SGK1: variants seen among roughly 807,000 people sequenced by gnomAD.
SGK1 encodes serum/glucocorticoid regulated kinase 1.
Under a neutral mutation model 64.2 loss-of-function variants are expected in SGK1, and 26 were observed. That is an observed-to-expected ratio of 0.40 (90% CI 0.30 to 0.56). The LOEUF (loss-of-function observed/expected upper bound fraction) is 0.56. SGK1 is among the 20% of genes least tolerant of loss of function. The pLI is 0.38. For synonymous variants in SGK1, 265 were observed against 239.7 expected (o/e 1.11, Z -0.98); for missense variants, 519 against 645.6 (o/e 0.80, Z 2.12).
intron 2 of SGK1, among the ~76,000 whole-genome samples, chr6:134,224,107 C>T (rs1170988764): frequency 6.6e-6 from 1 of 152,076 alleles, no homozygotes; most frequent in Non-Finnish European, 1.5e-5. Context: ...AAAAACAATA[C>T]CTGACAAATA....
intron 3 of SGK1, chr6:134,175,038 G>C (rs1175195427): frequency 5.4e-6 from 4 of 739,828 alleles, no homozygotes; most frequent in Non-Finnish European, 7.8e-6. Context: ...CATTGAGAGG[G>C]CGAGCCCCGG....
intron 3 of SGK1, among the ~76,000 whole-genome samples, chr6:134,181,583 G>T (rs1775332122): frequency 6.6e-6 from 1 of 151,902 alleles, no homozygotes; most frequent in Admixed American, 6.6e-5. Context: ...GACCTCAAGT[G>T]ATCCACCTGC....
intron 2 of SGK1, among the ~76,000 whole-genome samples, chr6:134,214,110 G>A (rs1304832042): frequency 5.3e-5 from 8 of 149,878 alleles, no homozygotes; most frequent in South Asian, 2.1e-4. Context: ...TTGTAGAGAC[G>A]GGGTCTCACT....
At chr6:134,205,045 G>C (rs1366976682) in intron 3 of SGK1, among the ~76,000 whole-genome samples, 2 of 151,130 alleles carry the variant, frequency 1.3e-5, no homozygotes, top group Non-Finnish European at 2.9e-5. Flanking sequence ...AGAAAGTAAA[G>C]GAATAAAGAA....
At chr6:134,174,850 G>C (rs1053439133) in intron 3 of SGK1, 1 of 1,612,846 alleles carries the variant, frequency 6.2e-7, no homozygotes, top group Admixed American at 1.7e-5. Flanking sequence ...CTCAAAGACC[G>C]GCTCGGCGTA....
intron 2 of SGK1, among the ~76,000 whole-genome samples, chr6:134,234,098 T>TA (rs1776328880): frequency 6.6e-6 from 1 of 152,208 alleles, no homozygotes; most frequent in South Asian, 2.1e-4. Context: ...TAGAACATTT[T>TA]AAAAAACCAA....
intron 2 of SGK1, among the ~76,000 whole-genome samples, chr6:134,255,651 G>A (rs1188877701): frequency 2.8e-5 from 4 of 143,358 alleles, no homozygotes; most frequent in Non-Finnish European, 6.0e-5. Flanking sequence ...GCATGATCCT[G>A]GGTCACTACA....
At chr6:134,194,520 C>CA (rs779306925) in intron 3 of SGK1, among the ~76,000 whole-genome samples, 1 of 138,686 alleles carries the variant, frequency 7.2e-6, no homozygotes, top group Non-Finnish European at 1.6e-5. Flanking sequence ...AAAAGTTTTT[C>CA]TTTTTTTTTT....
At chr6:134,244,574 C>T (rs1776495534) in intron 2 of SGK1, among the ~76,000 whole-genome samples, 1 of 152,102 alleles carries the variant, frequency 6.6e-6, no homozygotes, top group Non-Finnish European at 1.5e-5. Context: ...AGAGAGTTCC[C>T]CGACCCCCTT....
At chr6:134,298,840 G>A (rs574064157) in intron 1 of SGK1, 50 of 242,798 alleles carry the variant, frequency 2.1e-4, no homozygotes, top group Admixed American at 4.5e-4. Context: ...TCTCTCCGTC[G>A]CCCAGGCTGG....
intron 1 of SGK1, among the ~76,000 whole-genome samples, chr6:134,292,028 A>C (rs1488630468): frequency 6.6e-6 from 1 of 150,584 alleles, no homozygotes; most frequent in African/African-American, 2.4e-5. Context: ...ACACCGTTGC[A>C]CTCCAACCTG....
At chr6:134,225,046 A>G (rs1263160907) in intron 2 of SGK1, among the ~76,000 whole-genome samples, 2 of 150,274 alleles carry the variant, frequency 1.3e-5, no homozygotes, top group Non-Finnish European at 3.0e-5. Context: ...AAATCTTATA[A>G]TATTTACAAA....
At chr6:134,199,903 G>C (rs1348810256) in intron 3 of SGK1, among the ~76,000 whole-genome samples, 1 of 152,164 alleles carries the variant, frequency 6.6e-6, no homozygotes, top group Non-Finnish European at 1.5e-5. Flanking sequence ...CCAGTGTCTA[G>C]CTAAAATAAT....
chr6:134,256,830 T>A (rs774980627), intron 2 of SGK1, among the ~76,000 whole-genome samples: 2 of 152,206 alleles, frequency 1.3e-5, no homozygotes, highest in Non-Finnish European at 2.9e-5. Context: ...TTCTTCTGGG[T>A]GATTCATTGG....
At chr6:134,183,239 G>T (rs924246909) in intron 3 of SGK1, among the ~76,000 whole-genome samples, 9 of 152,156 alleles carry the variant, frequency 5.9e-5, no homozygotes, top group African/African-American at 2.2e-4. Context: ...TATACAATGT[G>T]TAATGATGAA....
intron 1 of SGK1, among the ~76,000 whole-genome samples, chr6:134,272,193 T>G (rs546673629): frequency 1.4e-5 from 2 of 140,584 alleles, no homozygotes; most frequent in Non-Finnish European, 3.1e-5. Flanking sequence ...CAGGCTGGAG[T>G]GCAGTAGTAT....
At chr6:134,174,377 T>A in intron 4 of SGK1, 134 bp downstream of exon 4, 1 of 655,272 alleles carries the variant, frequency 1.5e-6, no homozygotes, top group Non-Finnish European at 2.6e-6. Context: ...GTCAAATATA[T>A]TAGAATTTAA....
chr6:134,212,085 T>C (rs1743952), intron 2 of SGK1, among the ~76,000 whole-genome samples: 1 of 150,726 alleles, frequency 6.6e-6, no homozygotes, highest in African/African-American at 2.4e-5. Flanking sequence ...ACGGAGTCTC[T>C]CTCTGTCGCC....
At chr6:134,220,058 CAAAAAAAAAAAAA>C (rs55870107) in intron 2 of SGK1, among the ~76,000 whole-genome samples, 5 of 61,382 alleles carry the variant, frequency 8.1e-5, no homozygotes, top group African/African-American at 2.2e-4. Flanking sequence ...GACTCCGTCT[CAAAAAAAAAAAAA>C]AAAAAAAAAA....
Sources: allele counts gnomAD v4.1 joint callset (sites outside exome capture counted in the v4.1 genomes callset), GRCh38; gene constraint gnomAD v4.1.1; transcripts MANE v1.5; gene names NCBI Gene and HGNC (gene_info 2026-07-23, HGNC 2026-07-21).